Variants in SMAP2 observed in about 807,000 individuals in gnomAD.
SMAP2 encodes the protein small ArfGAP2.
SMAP2 carries 25 observed loss-of-function variants against 56.4 expected under a neutral mutation model. That is an observed-to-expected ratio of 0.44 (90% CI 0.32 to 0.62). SMAP2 has a LOEUF of 0.62. Among genes scored for constraint, SMAP2 ranks in the 20% least tolerant of loss-of-function variants. The pLI, the probability that SMAP2 is intolerant of heterozygous loss-of-function variation, is 0.04. For synonymous variants in SMAP2, 157 were observed against 181.7 expected (o/e 0.86, Z 1.09); for missense variants, 388 against 545.6 (o/e 0.71, Z 2.88).
intron 1 of SMAP2, among the ~76,000 whole-genome samples, chr1:40,346,790 C>T (rs1343594046): frequency 1.3e-5 from 2 of 151,866 alleles, no homozygotes; most frequent in African/African-American, 4.8e-5. Context: ...GTATATTCAA[C>T]AACATTAGGT....
chr1:40,358,740 C>G (rs72670678), intron 1 of SMAP2, among the ~76,000 whole-genome samples: 2,986 of 152,252 alleles, frequency 0.02, 47 homozygotes, highest in Middle Eastern at 0.034. Context: ...TAGGTTCATT[C>G]GATTTTTAGT....
rs557352914 is a variant in SMAP2 at position 40,356,420 on chromosome 1, T to G, written c.-82-5880T>G. On this transcript the variant is annotated intron_variant, in intron 1 of 6. Transcript: ENST00000435168. Reference sequence around the variant, plus strand: ...TGGGTTTTTTGTTTTTTTTTGTTTTTTTTTTTTTGAGACCAAGTCTCGCTC... The same window carrying G: ...TGGGTTTTTTGTTTTTTTTTGTTTTGTTTTTTTTGAGACCAAGTCTCGCTC... Among the ~76,000 whole-genome samples the G allele has an allele frequency of 6.2e-4, 94 of 151,068 alleles. 1 individual carries two copies. The highest frequency in any genetic ancestry group is 4.0e-3 in the South Asian group (19 of 4,798).
chr1:40,351,499 T>TTTTA (rs1487093718), intron 1 of SMAP2, among the ~76,000 whole-genome samples: 1 of 152,090 alleles, frequency 6.6e-6, no homozygotes, highest in South Asian at 2.1e-4. Flanking sequence ...ATTCTTTCAT[T>TTTTA]TTTATTTATT....
chr1:40,345,646 CT>C (rs1402404887), intron 1 of SMAP2, among the ~76,000 whole-genome samples: 2 of 151,582 alleles, frequency 1.3e-5, no homozygotes, highest in Non-Finnish European at 2.9e-5. Context: ...ATTTTTAAAC[CT>C]TTTTTCACAA....
chr1:40,419,419 T>G (rs748352606), intron 9 of SMAP2, among the ~76,000 whole-genome samples: 10 of 152,002 alleles, frequency 6.6e-5, no homozygotes, highest in Non-Finnish European at 1.0e-4. Flanking sequence ...TAGCTGGGAT[T>G]ACAGGCACCC....
chr1:40,377,204 T>G (rs1355676632), intron 1 of SMAP2, among the ~76,000 whole-genome samples: 1 of 152,194 alleles, frequency 6.6e-6, no homozygotes, highest in Non-Finnish European at 1.5e-5. Context: ...GAGGATCACC[T>G]GGGCAACTGA....
intron 1 of SMAP2, among the ~76,000 whole-genome samples, chr1:40,378,462 GATTT>G (rs1228384188): frequency 2.0e-5 from 3 of 152,084 alleles, no homozygotes; most frequent in Admixed American, 6.6e-5. Context: ...GATGGGCAAA[GATTT>G]ATTTATTTAT....
rs771879146 is a variant in SMAP2 at position 40,387,410 on chromosome 1, T to C, written c.103+13187T>C. On this transcript the variant is annotated intron_variant, in intron 1 of 9. Transcript: ENST00000372718. ...TGTTGTTAGAGTGATGGGTTATTTA[T>C]GTGTTCAGATTTGAGTAGTCAAGTG... 1.1e-4 allele frequency among the ~76,000 whole-genome samples: 17 copies of C among 152,230 alleles called. 1 individual carries two copies. The highest frequency in any genetic ancestry group is 4.1e-4 in the African/African-American group (17 of 41,458).
intron 1 of SMAP2, among the ~76,000 whole-genome samples, chr1:40,349,454 A>G (rs1191346646): frequency 3.3e-5 from 5 of 152,222 alleles, no homozygotes; most frequent in Admixed American, 2.6e-4. Flanking sequence ...AGTAAGTGGC[A>G]GAGCTTTTTA....
chr1:40,347,344 A>G (rs907343114), intron 1 of SMAP2, among the ~76,000 whole-genome samples: 2 of 148,858 alleles, frequency 1.3e-5, no homozygotes, highest in Admixed American at 1.3e-4. Context: ...GCCAGCCTTG[A>G]CCTCCCAAAG....
rs571288812 is a variant in SMAP2 at position 40,412,924 on chromosome 1, G to A, written c.403-92G>A. Reference sequence around the variant, plus strand: ...ACTTACGTCAGAATCAATAGGGATTGGAGGTGTCCTTTTCGGACACTTGGA... The same window carrying A: ...ACTTACGTCAGAATCAATAGGGATTAGAGGTGTCCTTTTCGGACACTTGGA... On this transcript the variant is annotated intron_variant, in intron 4 of 9. Coordinates refer to ENST00000372718, the MANE Select transcript of SMAP2 (RefSeq NM_022733.3). The A allele has an allele frequency of 6.6e-6, 6 of 905,458 alleles. No individual in the cohort carries two copies. In the African/African-American group the frequency reaches 1.0e-4, roughly 15 times the overall value. The allele number at this position is 905,458 out of a possible 1,614,324, so 56.1% of individuals were successfully genotyped here.
intron 1 of SMAP2, among the ~76,000 whole-genome samples, chr1:40,377,080 G>A (rs1326048946): frequency 6.6e-6 from 1 of 152,124 alleles, no homozygotes; most frequent in African/African-American, 2.4e-5. Context: ...GAGTCCAGGA[G>A]TTCAAGACCA....
intron 1 of SMAP2, among the ~76,000 whole-genome samples, chr1:40,355,356 A>T (rs1037479491): frequency 6.6e-6 from 1 of 152,068 alleles, no homozygotes; most frequent in Non-Finnish European, 1.5e-5. Flanking sequence ...ATTCCTCGTT[A>T]TCACTATACT....
rs1456143275 is a variant in SMAP2 at position 40,386,772 on chromosome 1, T to C, written c.103+12549T>C. Among the ~76,000 whole-genome samples the C allele has an allele frequency of 1.3e-5, 2 of 152,072 alleles. No individual in the cohort carries two copies. Among genetic ancestry groups the C allele is most frequent in the Non-Finnish European group, 2.9e-5 (2 of 68,010 alleles). On this transcript the variant is annotated intron_variant, in intron 1 of 9. Coordinates refer to ENST00000372718, the MANE Select transcript of SMAP2 (RefSeq NM_022733.3). This position sits in a 1 kb window ranked among gnomAD's most constrained non-coding sequence, Gnocchi z 4.1. ...TTAAAACAACAACAACTTTATCTTT[T>C]ATGATTCTGAAACCTATCCACGATA...
At chr1:40,409,225 A>C (rs1644912568) in intron 3 of SMAP2, among the ~76,000 whole-genome samples, 1 of 152,186 alleles carries the variant, frequency 6.6e-6, no homozygotes. Context: ...CACAAAACCA[A>C]ATCCCTTAAA....
intron 1 of SMAP2, among the ~76,000 whole-genome samples, chr1:40,384,638 C>T (rs769996105): frequency 5.3e-5 from 8 of 152,178 alleles, no homozygotes; most frequent in Non-Finnish European, 8.8e-5. Flanking sequence ...TAGGCTGTTA[C>T]TTCCCACAGA....
intron 1 of SMAP2, among the ~76,000 whole-genome samples, chr1:40,400,138 A>G (rs1264480904): frequency 1.3e-5 from 2 of 152,196 alleles, no homozygotes; most frequent in African/African-American, 4.8e-5. Flanking sequence ...AGTTAGGGAA[A>G]GAGTTTTTTT....
chr1:40,345,441 T>C (rs1021734618), intron 1 of SMAP2, among the ~76,000 whole-genome samples: 2 of 151,564 alleles, frequency 1.3e-5, no homozygotes, highest in African/African-American at 2.4e-5. Flanking sequence ...AAAAACGCTC[T>C]ATCAATTCAT....
At chr1:40,365,796 TCTC>T (rs1334940960) in intron 2 of SMAP2, among the ~76,000 whole-genome samples, 1 of 151,754 alleles carries the variant, frequency 6.6e-6, no homozygotes, top group African/African-American at 2.4e-5. Flanking sequence ...TCAGAGCGCC[TCTC>T]CTCCTCCAAA....
Sources: allele counts gnomAD v4.1 joint callset (sites outside exome capture counted in the v4.1 genomes callset), GRCh38; gene constraint gnomAD v4.1.1; non-coding constraint Gnocchi (gnomAD v3.1); transcripts MANE v1.5; gene names NCBI Gene and HGNC (gene_info 2026-07-23, HGNC 2026-07-21).